ARHGAP24: variants seen among roughly 807,000 people sequenced by gnomAD.
ARHGAP24 encodes the protein Rho GTPase activating protein 24, also known as rho GTPase-activating protein 24.
Under a neutral mutation model 76.4 loss-of-function variants are expected in ARHGAP24, and 50 were observed. That is an observed-to-expected ratio of 0.65 (90% CI 0.52 to 0.83). The LOEUF (loss-of-function observed/expected upper bound fraction) is 0.83. Ranked by LOEUF, ARHGAP24 falls within the 40% of genes least tolerant of loss-of-function variation. ARHGAP24 has a pLI of 0.00. For synonymous variants in ARHGAP24, 345 were observed against 323.3 expected (o/e 1.07, Z -0.72); for missense variants, 930 against 914.2 (o/e 1.02, Z -0.22).
At chr4:85,569,789 A>G (rs1031370805) in intron 1 of ARHGAP24, among the ~76,000 whole-genome samples, 1 of 152,232 alleles carries the variant, frequency 6.6e-6, no homozygotes, top group South Asian at 2.1e-4. Flanking sequence ...GGGTAGAAAC[A>G]TCTTGAGATA....
intron 4 of ARHGAP24, among the ~76,000 whole-genome samples, chr4:85,937,245 G>A (rs1048384996): frequency 6.6e-6 from 1 of 152,178 alleles, no homozygotes; most frequent in African/African-American, 2.4e-5. Context: ...TGAATAGCTT[G>A]AAGGAAGAGG....
intron 2 of ARHGAP24, among the ~76,000 whole-genome samples, chr4:85,627,401 C>T (rs1324970828): frequency 6.6e-6 from 1 of 152,080 alleles, no homozygotes; most frequent in Admixed American, 6.5e-5. Flanking sequence ...ATTGGTGAAC[C>T]TCAAATGCTG....
At chr4:85,850,134 T>C in intron 3 of ARHGAP24, among the ~76,000 whole-genome samples, 1 of 152,210 alleles carries the variant, frequency 6.6e-6, no homozygotes, top group South Asian at 2.1e-4. Flanking sequence ...GAACCTGTTA[T>C]TGGTCTATTC....
At chr4:85,600,192 C>T (rs1357564790) in intron 2 of ARHGAP24, among the ~76,000 whole-genome samples, 1 of 152,052 alleles carries the variant, frequency 6.6e-6, no homozygotes, top group Non-Finnish European at 1.5e-5. Context: ...GTTATGGGCA[C>T]TGAAAGGAGG....
rs199547154 is a variant in ARHGAP24 at position 85,998,501 on chromosome 4, TA to T, written c.2004-1977del. 5.7e-3 allele frequency among the ~76,000 whole-genome samples: 874 copies of T among 152,316 alleles called. 11 individuals are homozygous for T. Among genetic ancestry groups the T allele is most frequent in the African/African-American group, 0.02 (827 of 41,572 alleles). On this transcript the variant is annotated intron_variant, in intron 9 of 9. Coordinates refer to ENST00000395184, the MANE Select transcript of ARHGAP24 (RefSeq NM_001025616.3). ...AACTTACATCTTTACAATTCTGGAA[TA>T]TTTTTTTCATCATCTTTTTGTCTAT...
At chr4:85,555,856 G>T (rs760526462) in intron 1 of ARHGAP24, among the ~76,000 whole-genome samples, 1 of 86,310 alleles carries the variant, frequency 1.2e-5, no homozygotes, top group Non-Finnish European at 2.9e-5. Context: ...TGAGCAGAGA[G>T]GCCAGGTGGC....
chr4:85,909,287 G>A (rs1170542563), intron 3 of ARHGAP24, among the ~76,000 whole-genome samples: 2 of 148,076 alleles, frequency 1.4e-5, no homozygotes, highest in Non-Finnish European at 3.0e-5. Flanking sequence ...ATTTATATGG[G>A]TTTTCTTTTG....
intron 3 of ARHGAP24, among the ~76,000 whole-genome samples, chr4:85,780,172 T>G (rs1373412896): frequency 6.6e-6 from 1 of 151,876 alleles, no homozygotes; most frequent in African/African-American, 2.4e-5. Context: ...TTATTTTTTA[T>G]TTTTTAGTTT....
chr4:85,575,928 A>G (rs1727351314), intron 2 of ARHGAP24, among the ~76,000 whole-genome samples: 1 of 152,218 alleles, frequency 6.6e-6, no homozygotes, highest in African/African-American at 2.4e-5. Flanking sequence ...ACTAAAATCT[A>G]AATAAGCACC....
chr4:85,941,147 T>C (rs1560733391), intron 4 of ARHGAP24, among the ~76,000 whole-genome samples: 1 of 152,176 alleles, frequency 6.6e-6, no homozygotes, highest in Non-Finnish European at 1.5e-5. Context: ...GCTTTGGCTG[T>C]TTTTTCCCCT....
At chr4:85,724,598 CAT>C (rs1278141296) in intron 3 of ARHGAP24, among the ~76,000 whole-genome samples, 1 of 149,602 alleles carries the variant, frequency 6.7e-6, no homozygotes, top group Non-Finnish European at 1.5e-5. Context: ...CAAGGAAAAT[CAT>C]ATTAAAAAAA....
intron 2 of ARHGAP24, among the ~76,000 whole-genome samples, chr4:85,699,020 A>G (rs895353651): frequency 1.3e-5 from 2 of 152,132 alleles, no homozygotes; most frequent in Non-Finnish European, 2.9e-5. Flanking sequence ...AAAACCTCCT[A>G]AAGACCCCAT....
chr4:85,881,932 C>A (rs1473079960), intron 3 of ARHGAP24, among the ~76,000 whole-genome samples: 2 of 152,090 alleles, frequency 1.3e-5, no homozygotes. Flanking sequence ...TCTAGTAACT[C>A]ATCCAATAAT....
At chr4:85,705,099 T>G (rs1318960489) in intron 2 of ARHGAP24, among the ~76,000 whole-genome samples, 1 of 152,094 alleles carries the variant, frequency 6.6e-6, no homozygotes, top group Non-Finnish European at 1.5e-5. Context: ...TCATTTTAGG[T>G]ATTACTAAGA....
At chr4:85,617,432 T>C (rs1720578046) in intron 2 of ARHGAP24, among the ~76,000 whole-genome samples, 1 of 152,006 alleles carries the variant, frequency 6.6e-6, no homozygotes, top group Admixed American at 6.6e-5. Flanking sequence ...GCACACGCAA[T>C]CATGCACATA....
intron 4 of ARHGAP24, among the ~76,000 whole-genome samples, chr4:85,929,826 G>A (rs1560724476): frequency 6.6e-6 from 1 of 152,298 alleles, no homozygotes; most frequent in East Asian, 1.9e-4. Context: ...TTGAAAGAAA[G>A]TAAAACTTGT....
rs1741008405 is a variant in ARHGAP24, at chr4:86,001,383, C to T, written c.*661C>T. 1 of 398,940 alleles carries T rather than the reference C, an allele frequency of 2.5e-6. No individual in the cohort carries two copies. The highest frequency in any genetic ancestry group is 2.1e-5 in the African/African-American group (1 of 48,622). 24.7% of individuals were successfully genotyped at this position (398,940 alleles called of 1,614,324 possible). A position where few individuals can be genotyped will look rare whatever the true frequency, so the allele number is the denominator to read the frequency against. On this transcript the variant is annotated 3_prime_UTR_variant, in exon 10 of 10. Transcript: ENST00000395184. ...GTTTTGCTTTTGCGAGGCGATTTGA[C>T]ATAGGAACTTTGAGACTCCATGAGA...
In ARHGAP24 at chr4:86,001,237, C is replaced by CTGTT; in HGVS notation, c.*519_*522dup. 2.5e-6 allele frequency: 1 copy of CTGTT among 398,900 alleles called. No homozygotes were observed. 24.7% of individuals were successfully genotyped at this position (398,900 alleles called of 1,614,324 possible). On this transcript the variant is annotated 3_prime_UTR_variant, in exon 10 of 10. Coordinates refer to ENST00000395184, the MANE Select transcript of ARHGAP24 (RefSeq NM_001025616.3). ...ATCAGAAGAATACTTTGTGGCTGTGCTGTTTGTGCCAATAGACTTTGTCAT... is the reference window on the plus strand; with the variant it reads ...ATCAGAAGAATACTTTGTGGCTGTGCTGTTTGTTTGTGCCAATAGACTTTGTCAT...
chr4:85,685,323 G>A (rs1723375226), intron 2 of ARHGAP24, among the ~76,000 whole-genome samples: 1 of 152,068 alleles, frequency 6.6e-6, no homozygotes, highest in South Asian at 2.1e-4. Context: ...TGTCTTTCAT[G>A]CCCTCAACAG....
Sources: allele counts gnomAD v4.1 joint callset (sites outside exome capture counted in the v4.1 genomes callset), GRCh38; gene constraint gnomAD v4.1.1; transcripts MANE v1.5; gene names NCBI Gene and HGNC (gene_info 2026-07-23, HGNC 2026-07-21).